The following ATRNL1 variants were observed in gnomAD, a reference collection of about 807,000 sequenced individuals.
The protein encoded by ATRNL1 is attractin-like protein 1.
ATRNL1 carries 95 observed loss-of-function variants against 182.7 expected under a neutral mutation model. The ratio of observed to expected loss-of-function variants is 0.52; its 90% CI spans 0.44 to 0.62. ATRNL1 has a LOEUF of 0.62. ATRNL1 is among the 20% of genes least tolerant of loss of function. ATRNL1 has a pLI of 0.00. For synonymous variants in ATRNL1, 576 were observed against 568.3 expected, an observed-to-expected ratio of 1.01 and a Z score of -0.19; for missense variants, 1,471 against 1,679.5, an observed-to-expected ratio of 0.88 and a Z score of 2.17.
chr10:115,119,245 G>C (rs1159622365), intron 1 of ATRNL1, among the ~76,000 whole-genome samples: 1 of 151,832 alleles, frequency 6.6e-6, no homozygotes, highest in African/African-American at 2.4e-5. Context: ...CCCTGATTTA[G>C]GTAAATTAAA....
At chr10:115,539,271 A>AGT (rs781971316) in intron 25 of ATRNL1, among the ~76,000 whole-genome samples, 1 of 151,668 alleles carries the variant, frequency 6.6e-6, no homozygotes, top group African/African-American at 2.4e-5. Flanking sequence ...TATAAAGGAA[A>AGT]AACCTTTCCA....
chr10:115,593,128 A>G (rs995080741), intron 26 of ATRNL1, among the ~76,000 whole-genome samples: 1 of 152,214 alleles, frequency 6.6e-6, no homozygotes, highest in Admixed American at 6.5e-5. Flanking sequence ...CAGAAGGGCA[A>G]AAGAATGCAA....
intron 28 of ATRNL1, among the ~76,000 whole-genome samples, chr10:115,940,492 A>G (rs1953694159): frequency 6.6e-6 from 1 of 152,184 alleles, no homozygotes; most frequent in Non-Finnish European, 1.5e-5. Context: ...CTATTTATAC[A>G]TGGTCTGGGC....
intron 15 of ATRNL1, among the ~76,000 whole-genome samples, chr10:115,287,682 C>G (rs1428662040): frequency 6.6e-6 from 1 of 151,994 alleles, no homozygotes; most frequent in African/African-American, 2.4e-5. Flanking sequence ...TTATGTCAAA[C>G]ATTTATTATC....
chr10:115,117,636 G>A (rs1486244924), intron 1 of ATRNL1, among the ~76,000 whole-genome samples: 2 of 152,006 alleles, frequency 1.3e-5, no homozygotes, highest in African/African-American at 4.8e-5. Flanking sequence ...CCAAATCTTG[G>A]CTATTGTGAA....
At chr10:115,333,699 C>A (rs782262216) in intron 18 of ATRNL1, among the ~76,000 whole-genome samples, 21 of 151,990 alleles carry the variant, frequency 1.4e-4, no homozygotes, top group Non-Finnish European at 2.5e-4. Flanking sequence ...GTTGGCCAGG[C>A]TGGTCTCAAA....
chr10:115,488,687 A>G (rs1375732727), intron 24 of ATRNL1, among the ~76,000 whole-genome samples: 3 of 152,008 alleles, frequency 2.0e-5, no homozygotes, highest in Non-Finnish European at 2.9e-5. Flanking sequence ...TCCTGGATTC[A>G]TGGATTTTTT....
chr10:115,345,614 A>T (rs1055165030), intron 19 of ATRNL1, among the ~76,000 whole-genome samples: 1 of 152,106 alleles, frequency 6.6e-6, no homozygotes, highest in Admixed American at 6.6e-5. Context: ...TTCTGTTTAG[A>T]TAGTTGTTAA....
intron 8 of ATRNL1, among the ~76,000 whole-genome samples, chr10:115,189,822 A>C (rs537118462): frequency 2.4e-4 from 36 of 152,118 alleles, no homozygotes; most frequent in Non-Finnish European, 4.3e-4. Flanking sequence ...GTAATGTCCT[A>C]GGCCTTCACA....
At chr10:115,336,158 A>T (rs1434987319) in intron 19 of ATRNL1, among the ~76,000 whole-genome samples, 2 of 152,228 alleles carry the variant, frequency 1.3e-5, no homozygotes, top group African/African-American at 4.8e-5. Context: ...GTTATCTAAA[A>T]TACCCAAGAT....
intron 26 of ATRNL1, among the ~76,000 whole-genome samples, chr10:115,588,198 T>C (rs11197322): frequency 0.48 from 72,355 of 151,956 alleles, 18,690 homozygotes; most frequent in East Asian, 0.84. Flanking sequence ...CATTCTAGAC[T>C]GTCCTCCCTT....
intron 20 of ATRNL1, among the ~76,000 whole-genome samples, chr10:115,407,984 T>TC (rs1844919920): frequency 1.5e-5 from 2 of 131,236 alleles, no homozygotes; most frequent in African/African-American, 6.1e-5. Flanking sequence ...GATTTGCATT[T>TC]CTTTTTTTTT....
At chr10:115,505,465 C>G (rs782355942) in intron 24 of ATRNL1, among the ~76,000 whole-genome samples, 3 of 152,066 alleles carry the variant, frequency 2.0e-5, no homozygotes, top group Non-Finnish European at 2.9e-5. Context: ...CTGAGACAAA[C>G]TTGTCTGTAT....
chr10:115,465,912 G>A (rs992473575), intron 22 of ATRNL1, among the ~76,000 whole-genome samples: 1 of 151,434 alleles, frequency 6.6e-6, no homozygotes, highest in Non-Finnish European at 1.5e-5. Flanking sequence ...TCATTTGATG[G>A]ATATGGAACA....
At chr10:115,823,459 A>G (rs1056699575) in intron 27 of ATRNL1, among the ~76,000 whole-genome samples, 5 of 152,212 alleles carry the variant, frequency 3.3e-5, no homozygotes, top group Admixed American at 3.3e-4. Flanking sequence ...AATAAAGGGT[A>G]TTCAATTCGG....
At chr10:115,756,292 T>G (rs1291472313) in intron 27 of ATRNL1, among the ~76,000 whole-genome samples, 2 of 152,194 alleles carry the variant, frequency 1.3e-5, no homozygotes, top group African/African-American at 2.4e-5. Context: ...CTTTCTCTTG[T>G]GGGTATTTAG....
chr10:115,253,400 CAG>C (rs531941259), intron 10 of ATRNL1, among the ~76,000 whole-genome samples: 2 of 152,122 alleles, frequency 1.3e-5, no homozygotes, highest in Non-Finnish European at 2.9e-5. Context: ...GTTCCTCAGG[CAG>C]TTTGTGAGGT....
intron 26 of ATRNL1, among the ~76,000 whole-genome samples, chr10:115,634,885 C>G (rs1592983136): frequency 6.6e-6 from 1 of 151,904 alleles, no homozygotes; most frequent in East Asian, 1.9e-4. Context: ...TTATCAAAAG[C>G]TGTGTTATAA....
intron 20 of ATRNL1, among the ~76,000 whole-genome samples, chr10:115,420,278 A>T (rs540956204): frequency 6.6e-6 from 1 of 152,124 alleles, no homozygotes; most frequent in South Asian, 2.1e-4. Flanking sequence ...TCCTGACCTT[A>T]GGTGATCCAC....
Sources: allele counts gnomAD v4.1 joint callset (sites outside exome capture counted in the v4.1 genomes callset), GRCh38; gene constraint gnomAD v4.1.1; transcripts MANE v1.5; gene names NCBI Gene and HGNC (gene_info 2026-07-23, HGNC 2026-07-21).